ZNF440: variants seen among roughly 807,000 people sequenced by gnomAD.
The protein encoded by ZNF440 is zinc finger protein 440.
A neutral mutation model predicts 49.7 loss-of-function variants in ZNF440; 47 were observed. That is an observed-to-expected ratio of 0.95 (90% confidence interval 0.75 to 1.21). ZNF440 has a LOEUF of 1.21. Ranked by LOEUF, ZNF440 falls within the 50% of genes most tolerant of loss-of-function variation. ZNF440 has a pLI of 0.00. For missense variants in ZNF440, 703 were observed against 715.0 expected, an observed-to-expected ratio of 0.98 and a Z score of 0.19; for synonymous variants, 255 against 237.7, an observed-to-expected ratio of 1.07 and a Z score of -0.67.
At chr19:11,820,638 TGGAGCCTCCTGAG>T (rs1218011907) in intron 1 of ZNF440, among the ~76,000 whole-genome samples, 2 of 151,706 alleles carry the variant, frequency 1.3e-5, no homozygotes, top group Non-Finnish European at 2.9e-5. Flanking sequence ...CCTAGGGGAG[TGGAGCCTCCTGAG>T]GGAGCAGCTG....
intron 1 of ZNF440, among the ~76,000 whole-genome samples, chr19:11,825,185 A>T (rs1469857508): frequency 6.6e-6 from 1 of 152,118 alleles, no homozygotes; most frequent in Admixed American, 6.5e-5. Context: ...AATAAAAAAT[A>T]AAAAATAAAA....
At position 11,833,141 on chromosome 19, in the gene ZNF440, G is replaced by A; in HGVS notation, c.*177G>A. 2 of 1,380,248 alleles carry A rather than the reference G, an allele frequency of 1.4e-6. No individual in the cohort carries two copies. The highest frequency in any genetic ancestry group is 1.9e-5 in the Admixed American group (1 of 53,552). The allele number at this position is 1,380,248 out of a possible 1,614,324, so 85.5% of individuals were successfully genotyped here. ...TCGATATCATGAAAGGACTCACACT[G>A]GAGAGAACCCCTATGAGTGTAAGCA... On this transcript the variant is annotated 3_prime_UTR_variant, in exon 4 of 4. Coordinates refer to ENST00000304060, the MANE Select transcript of ZNF440 (RefSeq NM_152357.3).
intron 1 of ZNF440, among the ~76,000 whole-genome samples, chr19:11,822,660 C>T (rs1441290777): frequency 1.3e-4 from 19 of 151,984 alleles, no homozygotes; most frequent in Admixed American, 1.2e-3. Context: ...TCAGCCTGAC[C>T]AATATGGTGA....
rs966090285 is a variant in ZNF440 at position 11,833,364 on chromosome 19, T to G, written c.*400T>G. On this transcript the variant is annotated 3_prime_UTR_variant, in exon 4 of 4. Coordinates refer to ENST00000304060, the MANE Select transcript of ZNF440 (RefSeq NM_152357.3). ...GGGAAAGCATTCATATCTGCCAAGA[T>G]CCTTTGAATACATGCAAGAACACAC... 2.2e-6 allele frequency: 1 copy of G among 454,772 alleles called. No homozygotes were observed. The highest frequency in any genetic ancestry group is 2.0e-5 in the African/African-American group (1 of 48,792). 28.2% of individuals were successfully genotyped at this position (454,772 alleles called of 1,614,324 possible). A position where few individuals can be genotyped will look rare whatever the true frequency, so the allele number is the denominator to read the frequency against.
At chr19:11,831,165 C>A (rs912049754) in intron 3 of ZNF440, among the ~76,000 whole-genome samples, 2 of 152,070 alleles carry the variant, frequency 1.3e-5, no homozygotes, top group Admixed American at 6.6e-5. Context: ...TATTAAGATA[C>A]CCCATATAAA....
At chr19:11,825,710 CA>C (rs1014545978) in intron 1 of ZNF440, among the ~76,000 whole-genome samples, 3 of 151,410 alleles carry the variant, frequency 2.0e-5, no homozygotes, top group Non-Finnish European at 4.4e-5. Context: ...TCAAACTCCC[CA>C]GCTCAGGTGA....
intron 1 of ZNF440, chr19:11,829,872 G>A (rs1975911909): frequency 5.9e-6 from 1 of 168,320 alleles, no homozygotes; most frequent in African/African-American, 2.4e-5. Context: ...GGTGGCTCAT[G>A]CCTGTAATCC....
intron 1 of ZNF440, among the ~76,000 whole-genome samples, chr19:11,820,285 C>T (rs577969045): frequency 3.4e-4 from 51 of 152,194 alleles, no homozygotes; most frequent in Non-Finnish European, 4.7e-4. Flanking sequence ...GGCGCGATCT[C>T]GGCTCACTGC....
chr19:11,818,353 A>G (rs1395492355), intron 1 of ZNF440, among the ~76,000 whole-genome samples: 1 of 152,152 alleles, frequency 6.6e-6, no homozygotes, highest in Non-Finnish European at 1.5e-5. Context: ...TTCATGGGAA[A>G]CATTTTGTGA....
In ZNF440 at chr19:11,832,845, A is replaced by G; in HGVS notation, c.1669A>G (p.Thr557Ala). 1.2e-6 allele frequency: 2 copies of G among 1,612,610 alleles called. No homozygotes were observed. Among genetic ancestry groups the G allele is most frequent in the South Asian group, 2.2e-5 (2 of 91,022 alleles). ...NDGKPSDLPHTFEYVVGHTME... is the reference protein window; with the variant it reads ...NDGKPSDLPHAFEYVVGHTME... The stretch of plus-strand genomic sequence containing the variant: ...CGGAAAGCCTTCAGATCTGCCCCAC[A>G]CCTTTGAATACGTGGTAGGACACAC... The change falls in exon 4 of 4, where the codon ACC becomes GCC. Residue 557 changes from threonine (T) to alanine (A), a missense_variant. Transcript: ENST00000304060.
chr19:11,830,104 A>C (rs1407999112), intron 1 of ZNF440, 179 bp from the exon 2 acceptor site: 1 of 1,346,608 alleles, frequency 7.4e-7, no homozygotes, highest in Non-Finnish European at 1.0e-6. Context: ...GAGTGAAAAA[A>C]AAAACAAGTT....
At chr19:11,819,982 C>T (rs964713085) in intron 1 of ZNF440, among the ~76,000 whole-genome samples, 31 of 152,158 alleles carry the variant, frequency 2.0e-4, no homozygotes, top group African/African-American at 7.2e-4. Context: ...GCCTCAAATC[C>T]TCCACCCTCA....
chr19:11,825,652 A>G (rs930961619), intron 1 of ZNF440, among the ~76,000 whole-genome samples: 1 of 151,662 alleles, frequency 6.6e-6, no homozygotes. Context: ...TTTATTTTTT[A>G]TTTTTCTTTC....
chr19:11,833,451 T>C lies in ZNF440; in HGVS notation c.*487T>C. 1 of 368,020 alleles carries C rather than the reference T, an allele frequency of 2.7e-6. No homozygotes were observed. Among genetic ancestry groups the C allele is most frequent in the South Asian group, 2.7e-5 (1 of 36,794 alleles). The allele number at this position is 368,020 out of a possible 1,614,324, so 22.8% of individuals were successfully genotyped here. ...AAAGCATTCAGCTTGCCTACTTCCT[T>C]TCATAGACATGAAAAGACTCACACT... On this transcript the variant is annotated 3_prime_UTR_variant, in exon 4 of 4. Transcript: ENST00000304060.
At chr19:11,817,991 CT>C (rs907489952) in intron 1 of ZNF440, among the ~76,000 whole-genome samples, 24 of 152,136 alleles carry the variant, frequency 1.6e-4, no homozygotes, top group African/African-American at 5.6e-4. Context: ...GGGCGGATCA[CT>C]TGAGATTAGG....
At position 11,833,631 on chromosome 19, in the gene ZNF440, A is replaced by C. The variant is rs1189784513; in HGVS notation, c.*667A>C. 3 of 369,250 alleles carry C rather than the reference A, an allele frequency of 8.1e-6. No individual in the cohort carries two copies. Among genetic ancestry groups the C allele is most frequent in the African/African-American group, 6.5e-5 (3 of 45,978 alleles). 22.9% of individuals were successfully genotyped at this position (369,250 alleles called of 1,614,324 possible). ...TTCCACTTCTTTTCAATATCATGAA[A>C]GGACTCACATGGGAGAGAAACCCTA... On this transcript the variant is annotated 3_prime_UTR_variant, in exon 4 of 4. Coordinates refer to ENST00000304060, the MANE Select transcript of ZNF440 (RefSeq NM_152357.3).
At chr19:11,817,837 G>C (rs1043012026) in intron 1 of ZNF440, among the ~76,000 whole-genome samples, 1 of 152,166 alleles carries the variant, frequency 6.6e-6, no homozygotes, top group African/African-American at 2.4e-5. Flanking sequence ...GGCTGACAGC[G>C]TCACAAAATT....
intron 1 of ZNF440, among the ~76,000 whole-genome samples, chr19:11,820,820 C>T (rs555601909): frequency 1.3e-5 from 2 of 152,242 alleles, no homozygotes; most frequent in East Asian, 3.9e-4. Context: ...AGAAATGATT[C>T]CTATCTTCTG....
chr19:11,819,071 G>A (rs898399852), intron 1 of ZNF440, among the ~76,000 whole-genome samples: 4 of 152,200 alleles, frequency 2.6e-5, no homozygotes, highest in African/African-American at 9.6e-5. Context: ...ACTTTGGGAG[G>A]CCAAGGCAGG....
Sources: gnomAD v4.1 joint callset for allele counts (sites outside exome capture counted in the v4.1 genomes callset) on GRCh38, gnomAD v4.1.1 for gene constraint, MANE v1.5 for transcripts, NCBI Gene and HGNC (gene_info 2026-07-23, HGNC 2026-07-21) for gene names.